The following DNM2 variants were observed in gnomAD, a reference collection of about 807,000 sequenced individuals.
The protein encoded by DNM2 is dynamin-2.
A neutral mutation model predicts 99.0 loss-of-function variants in DNM2; 15 were observed. The ratio of observed to expected loss-of-function variants is 0.15; its 90% CI spans 0.10 to 0.23. DNM2 has a LOEUF of 0.23. Ranked by LOEUF, DNM2 falls within the 10% of genes least tolerant of loss-of-function variation. The pLI is 1.00. For missense variants in DNM2, 742 were observed against 1,189.4 expected (o/e 0.62, Z 5.53); for synonymous variants, 525 against 481.2 (o/e 1.09, Z -1.19).
chr19:10,797,306 C>G (rs1319791371), intron 9 of DNM2, 74 bp from the exon 10 acceptor site: 1 of 1,591,364 alleles, frequency 6.3e-7, no homozygotes. Flanking sequence ...TTCTCTCTGT[C>G]TCCTGTCCTG....
At chr19:10,733,132 C>T (rs2069392005) in intron 1 of DNM2, among the ~76,000 whole-genome samples, 1 of 151,528 alleles carries the variant, frequency 6.6e-6, no homozygotes, top group Non-Finnish European at 1.5e-5. Context: ...GATCCACCCT[C>T]CTCGGCCTCC....
chr19:10,814,447 A>G (rs1265434896), intron 15 of DNM2, among the ~76,000 whole-genome samples: 1 of 152,046 alleles, frequency 6.6e-6, no homozygotes, highest in South Asian at 2.1e-4. Context: ...CTGGGCAACA[A>G]GAGTGAAAGT....
At chr19:10,773,449 ATTTTTTTT>A (rs71164121) in intron 3 of DNM2, among the ~76,000 whole-genome samples, 5 of 124,450 alleles carry the variant, frequency 4.0e-5, no homozygotes, top group Non-Finnish European at 5.1e-5. Context: ...GCCCGGCCAA[ATTTTTTTT>A]TTTTTTTTTG....
In DNM2 at chr19:10,811,719, C is replaced by T. The variant is rs1320950854; in HGVS notation, c.1558-545C>T. The T allele has an allele frequency of 1.9e-6, 1 of 518,410 alleles. No homozygotes were observed. Among genetic ancestry groups the T allele is most frequent in the Non-Finnish European group, 3.8e-6 (1 of 259,744 alleles). 32.1% of individuals were successfully genotyped at this position (518,410 alleles called of 1,614,324 possible). ...CTGACCCCCACGCAGATGACAGCTA[C>T]AGCCACACAATCCCCATCCATGGGG... On this transcript the variant is annotated intron_variant, in intron 14 of 20. Coordinates refer to ENST00000389253, the MANE Select transcript of DNM2 (RefSeq NM_001005361.3). This position sits in a 1 kb window ranked among gnomAD's most constrained non-coding sequence, Gnocchi z 5.4.
At position 10,760,703 on chromosome 19, in the gene DNM2, C is replaced by T. The variant is rs1288090668; in HGVS notation, c.235+892C>T. Among the ~76,000 whole-genome samples the T allele has an allele frequency of 3.9e-5, 6 of 152,038 alleles. No homozygotes were observed. The South Asian group carries it at 1.2e-3, about 32-fold the overall frequency. On this transcript the variant is annotated intron_variant, in intron 2 of 20. Transcript: ENST00000389253. ...AAGAGACAGGGTCTCACTCTGTTCC[C>T]CAGGCCGTGCAGTGGTGTAGTCATA...
At chr19:10,801,263 G>A (rs1287926880) in intron 11 of DNM2, among the ~76,000 whole-genome samples, 5 of 151,644 alleles carry the variant, frequency 3.3e-5, no homozygotes, top group Non-Finnish European at 7.4e-5. Flanking sequence ...CCGAGATTAC[G>A]CCATTGCACG....
chr19:10,734,668 GC>G (rs2070862061), intron 1 of DNM2, among the ~76,000 whole-genome samples: 2 of 137,644 alleles, frequency 1.5e-5, no homozygotes, highest in South Asian at 4.7e-4. Flanking sequence ...AAAAGCCAAA[GC>G]CAGAATGTAC....
intron 1 of DNM2, among the ~76,000 whole-genome samples, chr19:10,743,064 C>T (rs573895834): frequency 5.3e-5 from 8 of 152,078 alleles, no homozygotes; most frequent in African/African-American, 1.9e-4. Context: ...CAGGCGTGTG[C>T]CACCACGCCC....
At chr19:10,773,630 T>A (rs1048426054) in intron 3 of DNM2, among the ~76,000 whole-genome samples, 32 of 151,768 alleles carry the variant, frequency 2.1e-4, no homozygotes, top group East Asian at 1.9e-3. Flanking sequence ...TTTTTTATTT[T>A]TTATTTTTTT....
At position 10,765,091 on chromosome 19, in the gene DNM2, G is replaced by A. The variant is rs997279906; in HGVS notation, c.235+5280G>A. Among the ~76,000 whole-genome samples, 1 of 151,962 alleles carries A rather than the reference G, an allele frequency of 6.6e-6. No individual in the cohort carries two copies. The highest frequency in any genetic ancestry group is 2.1e-4 in the South Asian group (1 of 4,802). Reference sequence around the variant, plus strand: ...TCCTGTCTCAGCCTCCGGCGTAGCTGGGACTACAGGCGCCCGCCACCTCGC... The same window carrying A: ...TCCTGTCTCAGCCTCCGGCGTAGCTAGGACTACAGGCGCCCGCCACCTCGC... On this transcript the variant is annotated intron_variant, in intron 2 of 20. Transcript: ENST00000389253. The surrounding 1 kb of genome is among the most constrained non-coding windows in gnomAD (Gnocchi z 4.4).
intron 16 of DNM2, among the ~76,000 whole-genome samples, chr19:10,822,123 G>T: frequency 6.6e-6 from 1 of 151,940 alleles, no homozygotes; most frequent in East Asian, 1.9e-4. Context: ...TGCAAGCACT[G>T]TTTAGCATCC....
chr19:10,760,342 A>C (rs1370374836), intron 2 of DNM2, among the ~76,000 whole-genome samples: 1 of 151,556 alleles, frequency 6.6e-6, no homozygotes, highest in Non-Finnish European at 1.5e-5. Flanking sequence ...CACCGGCCCC[A>C]TGTGTGCTTT....
Position 10,718,100 on chromosome 19 carries a change from C to A in DNM2, c.-143C>A. ...GCCTGAGAACCGGATGAGGCGGCGA[C>A]CGTGAGGCCGAGCCGGGAGCGGGCG... On this transcript the variant is annotated 5_prime_UTR_variant, in exon 1 of 21. Coordinates refer to ENST00000389253, the MANE Select transcript of DNM2 (RefSeq NM_001005361.3). 9.9e-7 allele frequency: 1 copy of A among 1,006,848 alleles called. No individual in the cohort carries two copies. The highest frequency in any genetic ancestry group is 1.3e-6 in the Non-Finnish European group (1 of 779,924). 62.4% of individuals were successfully genotyped at this position (1,006,848 alleles called of 1,614,324 possible).
At position 10,831,261 on chromosome 19, in the gene DNM2, C is replaced by T. The variant is rs1271831719; in HGVS notation, c.*214C>T. ...GGGCCCTGGAGCTCCAGGCAGGGGG[C>T]GCTGGGGTGTTGCACTTTGGGGGAT... is the stretch of plus-strand genomic sequence containing the variant. On this transcript the variant is annotated 3_prime_UTR_variant, in exon 21 of 21. Transcript: ENST00000389253. This position sits in a 1 kb window ranked among gnomAD's most constrained non-coding sequence, Gnocchi z 4.3. 1.7e-5 allele frequency: 22 copies of T among 1,315,282 alleles called. No individual in the cohort carries two copies. In the South Asian group the frequency reaches 2.8e-4, roughly 17 times the overall value. The allele number at this position is 1,315,282 out of a possible 1,614,324, so 81.5% of individuals were successfully genotyped here. A position where few individuals can be genotyped will look rare whatever the true frequency, so the allele number is the denominator to read the frequency against.
intron 17 of DNM2, chr19:10,824,839 A>G (rs2073091073): frequency 7.7e-6 from 5 of 651,820 alleles, no homozygotes; most frequent in Non-Finnish European, 1.1e-5. Context: ...CAACGTTCCA[A>G]TGCCCAGGTG....
rs977956098 is a variant in DNM2, at chr19:10,780,523, C to T, written c.689-2437C>T. Among the ~76,000 whole-genome samples the T allele has an allele frequency of 5.9e-5, 9 of 152,304 alleles. No homozygotes were observed. In the South Asian group the frequency reaches 1.2e-3, roughly 21 times the overall value. ...CTGTTTCTAAGAACGAAGGCGCTTCCACTCTCAGCTCACTTGTAGGCCTGC... is the reference window on the plus strand; with the variant it reads ...CTGTTTCTAAGAACGAAGGCGCTTCTACTCTCAGCTCACTTGTAGGCCTGC... On this transcript the variant is annotated intron_variant, in intron 5 of 20. Transcript: ENST00000389253.
At chr19:10,761,254 T>C (rs1264349302) in intron 2 of DNM2, among the ~76,000 whole-genome samples, 1 of 152,104 alleles carries the variant, frequency 6.6e-6, no homozygotes, top group African/African-American at 2.4e-5. Flanking sequence ...CCCAAAGTGT[T>C]GGGATTACAG....
intron 1 of DNM2, among the ~76,000 whole-genome samples, chr19:10,745,525 C>T (rs2069934047): frequency 6.6e-6 from 1 of 152,122 alleles, no homozygotes; most frequent in East Asian, 1.9e-4. Context: ...CATATCACTA[C>T]AGAAAAACAC....
chr19:10,813,838 AAAG>A (rs899021511), intron 15 of DNM2, among the ~76,000 whole-genome samples: 23 of 150,740 alleles, frequency 1.5e-4, no homozygotes, highest in Non-Finnish European at 2.5e-4. Context: ...AAAAAAAAAA[AAAG>A]AAGAAGAAGA....
Sources: allele counts gnomAD v4.1 joint callset (sites outside exome capture counted in the v4.1 genomes callset), GRCh38; gene constraint gnomAD v4.1.1; non-coding constraint Gnocchi (gnomAD v3.1); transcripts MANE v1.5; gene names NCBI Gene and HGNC (gene_info 2026-07-23, HGNC 2026-07-21).